SYT14: variants seen among roughly 807,000 people sequenced by gnomAD.
The protein encoded by SYT14 is synaptotagmin-14.
A neutral mutation model predicts 74.2 loss-of-function variants in SYT14; 32 were observed. The ratio of observed to expected loss-of-function variants is 0.43; its 90% CI spans 0.33 to 0.58. The LOEUF (loss-of-function observed/expected upper bound fraction) is 0.58. Ranked by LOEUF, SYT14 falls within the 20% of genes least tolerant of loss-of-function variation. The pLI, the probability that SYT14 is intolerant of heterozygous loss-of-function variation, is 0.05. For synonymous variants in SYT14, 298 were observed against 337.7 expected, an observed-to-expected ratio of 0.88 and a Z score of 1.29; for missense variants, 791 against 981.8, an observed-to-expected ratio of 0.81 and a Z score of 2.60.
chr1:209,971,227 T>G (rs2079250614), intron 2 of SYT14, among the ~76,000 whole-genome samples: 1 of 152,200 alleles, frequency 6.6e-6, no homozygotes, highest in Non-Finnish European at 1.5e-5. Flanking sequence ...TTTTGTACTT[T>G]GATTTTGTAT....
rs928533629 is a variant in SYT14, at chr1:209,952,583, A to G, written c.-533-126A>G. The stretch of plus-strand genomic sequence containing the variant: ...CTATAATATTCATTTAGTTAAGTAT[A>G]AAGAGAAGAGTTAGGGAAACTTTTT... On this transcript the variant is annotated intron_variant, in intron 1 of 9. Transcript: ENST00000637265. The G allele has an allele frequency of 4.1e-6, 3 of 735,712 alleles. No individual in the cohort carries two copies. The African/African-American group carries it at 5.3e-5, about 13-fold the overall frequency. The allele number at this position is 735,712 out of a possible 1,614,324, so 45.6% of individuals were successfully genotyped here. A position where few individuals can be genotyped will look rare whatever the true frequency, so the allele number is the denominator to read the frequency against.
rs1432830891 is a variant in SYT14, at chr1:210,013,875, A to G, written c.-321+78A>G. Reference sequence around the variant, plus strand: ...TTTACTTATTTTAATATATGCAATAAAAAGGTTGGTTGTGACATACAATAA... The same window carrying G: ...TTTACTTATTTTAATATATGCAATAGAAAGGTTGGTTGTGACATACAATAA... On this transcript the variant is annotated intron_variant, in intron 3 of 9. Coordinates refer to ENST00000637265, the Ensembl canonical transcript of SYT14. The G allele has an allele frequency of 1.7e-5, 24 of 1,443,468 alleles. 1 individual carries two copies. The highest frequency in any genetic ancestry group is 4.4e-5 in the Admixed American group (2 of 45,896). 89.4% of individuals were successfully genotyped at this position (1,443,468 alleles called of 1,614,324 possible).
intron 7 of SYT14, among the ~76,000 whole-genome samples, chr1:210,151,241 C>A (rs1474774957): frequency 4.6e-5 from 7 of 152,138 alleles, no homozygotes; most frequent in African/African-American, 1.4e-4. Flanking sequence ...GCTACTGCTA[C>A]CTAGGCAAGC....
chr1:209,950,044 T>G (rs758331097), intron 1 of SYT14, among the ~76,000 whole-genome samples: 36 of 152,192 alleles, frequency 2.4e-4, no homozygotes, highest in South Asian at 8.4e-4. Context: ...TTATTGTTAC[T>G]GTACATACTA....
Position 209,942,370 on chromosome 1 carries a change from C to A in SYT14, c.-534+4093C>A, listed in dbSNP as rs964745004. On this transcript the variant is annotated intron_variant, in intron 1 of 9. Transcript: ENST00000637265. ...CCTCCATGCAAATTTACCCCCCCCCCCCCGCTCTGTTGTGCAGATTTACCA... is the reference window on the plus strand; with the variant it reads ...CCTCCATGCAAATTTACCCCCCCCCACCCGCTCTGTTGTGCAGATTTACCA... Among the ~76,000 whole-genome samples the A allele has an allele frequency of 2.3e-5, 3 of 131,222 alleles. No individual in the cohort carries two copies. In the South Asian group the frequency reaches 8.9e-4, roughly 39 times the overall value. 86.1% of individuals were successfully genotyped at this position (131,222 alleles called of 152,430 possible). A position where few individuals can be genotyped will look rare whatever the true frequency, so the allele number is the denominator to read the frequency against.
At chr1:210,002,977 A>G (rs923322446) in intron 2 of SYT14, among the ~76,000 whole-genome samples, 1 of 152,060 alleles carries the variant, frequency 6.6e-6, no homozygotes, top group Non-Finnish European at 1.5e-5. Context: ...TGTGTGATTT[A>G]TGCTTTTTAT....
At chr1:210,165,110 G>A (rs1398323911) in exon 10 of SYT14, 1 of 152,110 alleles carries the variant, frequency 6.6e-6, no homozygotes, top group Admixed American at 6.6e-5. Context: ...GCAGCATGAA[G>A]AGGTTAAGCA....
In SYT14 at chr1:209,962,203, T is replaced by C. The variant is rs1396969278; in HGVS notation, c.-486+9447T>C. 5.3e-5 allele frequency among the ~76,000 whole-genome samples: 8 copies of C among 151,982 alleles called. No individual in the cohort carries two copies. The South Asian group carries it at 1.7e-3, about 31-fold the overall frequency. ...GTTTTAATTATTTTAAAAAATATTG[T>C]CATAATATGATTCTCTTATTTATGC... is the stretch of plus-strand genomic sequence containing the variant. On this transcript the variant is annotated intron_variant, in intron 2 of 9. Transcript: ENST00000637265.
chr1:209,991,284 G>T (rs1422845933), intron 2 of SYT14, among the ~76,000 whole-genome samples: 1 of 152,064 alleles, frequency 6.6e-6, no homozygotes, highest in African/African-American at 2.4e-5. Flanking sequence ...GACAAATGGG[G>T]CTATATAAAC....
chr1:209,942,952 TTAA>T (rs1288034481), intron 1 of SYT14, among the ~76,000 whole-genome samples: 1 of 152,144 alleles, frequency 6.6e-6, no homozygotes, highest in Non-Finnish European at 1.5e-5. Context: ...TTTACTTCTA[TTAA>T]TAATGTACCT....
chr1:209,985,477 C>T (rs1373734941), intron 2 of SYT14, among the ~76,000 whole-genome samples: 1 of 152,246 alleles, frequency 6.6e-6, no homozygotes, highest in African/African-American at 2.4e-5. Context: ...GGGGGTCAGC[C>T]CCCACATCTG....
intron 5 of SYT14, among the ~76,000 whole-genome samples, chr1:210,084,257 A>G (rs752427464): frequency 6.6e-6 from 1 of 152,182 alleles, no homozygotes; most frequent in Non-Finnish European, 1.5e-5. Flanking sequence ...CTATATATTA[A>G]AATATAGAAT....
At chr1:210,021,234 G>C (rs757458338) in exon 5 of SYT14, 1 of 1,613,924 alleles carries the variant, frequency 6.2e-7, no homozygotes, top group South Asian at 1.1e-5. Context: ...GGATACAGTA[G>C]TGAAGCATCA....
chr1:209,959,002 A>G (rs1051017313), intron 2 of SYT14, among the ~76,000 whole-genome samples: 1 of 152,202 alleles, frequency 6.6e-6, no homozygotes, highest in African/African-American at 2.4e-5. Flanking sequence ...AAACAATTAC[A>G]AAGTTCCTAA....
At chr1:210,007,846 C>T (rs1345312168) in intron 2 of SYT14, among the ~76,000 whole-genome samples, 1 of 152,074 alleles carries the variant, frequency 6.6e-6, no homozygotes, top group African/African-American at 2.4e-5. Context: ...CTCTGGACTT[C>T]AATTTATTAA....
At chr1:210,006,805 T>C in intron 2 of SYT14, among the ~76,000 whole-genome samples, 1 of 151,944 alleles carries the variant, frequency 6.6e-6, no homozygotes, top group East Asian at 1.9e-4. Context: ...AGAAATATTA[T>C]TTAGAGTATT....
At chr1:209,976,556 G>A (rs1358573477) in intron 2 of SYT14, among the ~76,000 whole-genome samples, 10 of 151,608 alleles carry the variant, frequency 6.6e-5, no homozygotes, top group Non-Finnish European at 1.5e-4. Context: ...TGATTGCACT[G>A]TGGTCTGAGA....
At chr1:210,091,991 G>A (rs988397661) in intron 5 of SYT14, among the ~76,000 whole-genome samples, 7 of 152,096 alleles carry the variant, frequency 4.6e-5, no homozygotes, top group African/African-American at 9.7e-5. Flanking sequence ...AACCACTTAC[G>A]TTGGAAAATT....
chr1:210,014,397 G>A (rs572812358), intron 3 of SYT14, among the ~76,000 whole-genome samples: 1 of 144,824 alleles, frequency 6.9e-6, no homozygotes, highest in South Asian at 2.3e-4. Context: ...TTCTCCTATG[G>A]AAACATTTTC....
Sources: allele counts gnomAD v4.1 joint callset (sites outside exome capture counted in the v4.1 genomes callset), GRCh38; gene constraint gnomAD v4.1.1; transcripts MANE v1.5; gene names NCBI Gene and HGNC (gene_info 2026-07-23, HGNC 2026-07-21).